The following LPAR1 variants were observed in gnomAD, a reference collection of about 807,000 sequenced individuals.
LPAR1 encodes the protein lysophosphatidic acid receptor 1.
LPAR1 carries 5 observed loss-of-function variants against 23.8 expected under a neutral mutation model. The observed-to-expected ratio is 0.21, with a 90% CI of 0.11 to 0.44. The LOEUF is 0.44. Among genes scored for constraint, LPAR1 ranks in the 20% least tolerant of loss-of-function variants. LPAR1 has a pLI of 0.99. For missense variants in LPAR1, 311 were observed against 482.8 expected, an observed-to-expected ratio of 0.64 and a Z score of 3.33; for synonymous variants, 160 against 164.7, an observed-to-expected ratio of 0.97 and a Z score of 0.22.
intron 2 of LPAR1, among the ~76,000 whole-genome samples, chr9:111,020,421 C>T (rs564341940): frequency 6.6e-6 from 1 of 152,288 alleles, no homozygotes; most frequent in East Asian, 1.9e-4. Context: ...GTGACTAAAC[C>T]CCTGCTTGAG....
At chr9:111,038,510 G>GGAGGGGGCGCAGAA (rs2097944161), upstream of LPAR1, 1 of 421,250 alleles carries the variant, frequency 2.4e-6, no homozygotes, top group Non-Finnish European at 4.8e-6. This position sits in a 1 kb window ranked among gnomAD's most constrained non-coding sequence, Gnocchi z 4.4. Flanking sequence ...GGGGCGCAGA[G>GGAGGGGGCGCAGAA]GGAGGGCCAG....
In LPAR1 at chr9:110,941,687, A is replaced by G; in HGVS notation, c.527T>C (p.Ile176Thr). 2 of 1,614,174 alleles carry G rather than the reference A, an allele frequency of 1.2e-6. No homozygotes were observed. The highest frequency in any genetic ancestry group is 1.7e-6 in the Non-Finnish European group (2 of 1,180,010). The change falls in exon 5 of 6, where the codon ATC becomes ACC. Residue 176 changes from isoleucine (I) to threonine (T), a missense_variant. This residue lies in a region of LPAR1 where 250 missense variants were observed against 427.2 expected (regional missense o/e 0.59). Transcript: ENST00000683809. This position sits in a 1 kb window ranked among gnomAD's most constrained non-coding sequence, Gnocchi z 6.1. ...VVIVVIWTMA[I>T]VMGAIPSVGW... The stretch of plus-strand genomic sequence containing the variant: ...CACACTGGGTATAGCACCCATAACG[A>G]TGGCCATAGTCCAGATGACCACAAT...
At chr9:110,989,907 G>A (rs987822787) in intron 2 of LPAR1, among the ~76,000 whole-genome samples, 7 of 151,814 alleles carry the variant, frequency 4.6e-5, no homozygotes, top group Non-Finnish European at 8.8e-5. Context: ...ATAAAAAAAC[G>A]AAATACCCAG....
intron 4 of LPAR1, among the ~76,000 whole-genome samples, chr9:110,955,002 T>C (rs1392684482): frequency 2.6e-5 from 4 of 151,828 alleles, no homozygotes; most frequent in Non-Finnish European, 5.9e-5. Flanking sequence ...ACCACAATGA[T>C]AAACAGTAAG....
intron 4 of LPAR1, among the ~76,000 whole-genome samples, chr9:110,951,115 A>G (rs1251318279): frequency 6.6e-6 from 1 of 152,220 alleles, no homozygotes; most frequent in Non-Finnish European, 1.5e-5. Context: ...AAAATGACGT[A>G]TCTGTTCATT....
chr9:111,000,060 C>T (rs1430181400), intron 2 of LPAR1, among the ~76,000 whole-genome samples: 5 of 152,074 alleles, frequency 3.3e-5, no homozygotes, highest in Non-Finnish European at 7.3e-5. Flanking sequence ...AGGGCGGAGC[C>T]CTTATGACCT....
intron 4 of LPAR1, among the ~76,000 whole-genome samples, chr9:110,961,965 T>C (rs930515853): frequency 6.6e-6 from 1 of 152,210 alleles, no homozygotes; most frequent in Non-Finnish European, 1.5e-5. Flanking sequence ...ATATTTGTGA[T>C]ACATCATTTG....
At chr9:110,961,617 CAAAAAAAAAAAAAA>C (rs57773067) in intron 4 of LPAR1, among the ~76,000 whole-genome samples, 1 of 79,864 alleles carries the variant, frequency 1.3e-5, no homozygotes, top group Non-Finnish European at 2.4e-5. Context: ...GAGACTATCT[CAAAAAAAAAAAAAA>C]AAAAAAAAAG....
chr9:110,978,246 T>C (rs998722009), intron 2 of LPAR1, among the ~76,000 whole-genome samples: 2 of 152,110 alleles, frequency 1.3e-5, no homozygotes, highest in African/African-American at 4.8e-5. Flanking sequence ...ATCTGAATTA[T>C]GAACTTGAAT....
chr9:111,000,254 C>T (rs573158247), intron 2 of LPAR1, among the ~76,000 whole-genome samples: 2 of 152,260 alleles, frequency 1.3e-5, no homozygotes, highest in Admixed American at 6.5e-5. Flanking sequence ...TGGTTCATGG[C>T]CTCCTGAATA....
intron 2 of LPAR1, among the ~76,000 whole-genome samples, chr9:110,987,950 C>T (rs1484563992): frequency 6.6e-6 from 1 of 151,400 alleles, no homozygotes; most frequent in Non-Finnish European, 1.5e-5. Context: ...ATTTACAAAA[C>T]CATAACAATA....
Position 110,930,744 on chromosome 9 carries a change from C to T in LPAR1, c.793+10677G>A, listed in dbSNP as rs551827154. On this transcript the variant is annotated intron_variant, in intron 5 of 5. Transcript: ENST00000683809. ...CAGCCTGACCAACATGGAGAAACCC[C>T]GTCTCTACTAAAACTTCAAAATCAG... 3.1e-3 allele frequency among the ~76,000 whole-genome samples: 467 copies of T among 151,836 alleles called. 3 individuals carry two copies. Among genetic ancestry groups the T allele is most frequent in the Non-Finnish European group, 2.9e-3 (200 of 67,956 alleles).
intron 4 of LPAR1, among the ~76,000 whole-genome samples, chr9:110,949,025 C>G (rs1245460037): frequency 1.3e-5 from 2 of 152,112 alleles, no homozygotes; most frequent in East Asian, 1.9e-4. Flanking sequence ...AATCATGACT[C>G]TAGTCCCATA....
rs2078683052 is a variant in LPAR1 at position 110,874,387 on chromosome 9, GACTCCAATTA to G, written c.*1024_*1033del. The G allele has an allele frequency of 6.6e-6, 1 of 152,552 alleles. No individual in the cohort carries two copies. Among genetic ancestry groups the G allele is most frequent in the Admixed American group, 6.6e-5 (1 of 15,266 alleles). The allele number at this position is 152,552 out of a possible 1,614,324, so 9.4% of individuals were successfully genotyped here. A position where few individuals can be genotyped will look rare whatever the true frequency, so the allele number is the denominator to read the frequency against. On this transcript the variant is annotated 3_prime_UTR_variant, in exon 6 of 6. Coordinates refer to ENST00000683809, the MANE Select transcript of LPAR1 (RefSeq NM_001351411.2). ...CTACTTATAAAACTGTTTACAGTAT[GACTCCAATTA>G]TGTAAAAAAAGTATACAATACACAT...
chr9:110,911,880 A>G (rs1351012074), intron 5 of LPAR1, among the ~76,000 whole-genome samples: 1 of 152,218 alleles, frequency 6.6e-6, no homozygotes, highest in Non-Finnish European at 1.5e-5. Flanking sequence ...TATCTTTCCC[A>G]TATGCCTATT....
chr9:110,919,831 A>C (rs1394804166), intron 5 of LPAR1, among the ~76,000 whole-genome samples: 1 of 152,158 alleles, frequency 6.6e-6, no homozygotes, highest in Non-Finnish European at 1.5e-5. Context: ...GACAGCCTGT[A>C]ACTTCCACAA....
At chr9:110,903,685 C>A (rs1338229586) in intron 5 of LPAR1, among the ~76,000 whole-genome samples, 1 of 151,946 alleles carries the variant, frequency 6.6e-6, no homozygotes, top group Non-Finnish European at 1.5e-5. Flanking sequence ...AGATTCACAT[C>A]ATCAAAGGTC....
At chr9:111,014,691 G>A (rs571940222) in intron 2 of LPAR1, among the ~76,000 whole-genome samples, 1 of 152,068 alleles carries the variant, frequency 6.6e-6, no homozygotes, top group South Asian at 2.1e-4. Context: ...GGTATTACTG[G>A]TGAAGACAAT....
chr9:111,026,826 C>T (rs1216961745), intron 2 of LPAR1, among the ~76,000 whole-genome samples: 1 of 152,142 alleles, frequency 6.6e-6, no homozygotes, highest in East Asian at 1.9e-4. Context: ...CGATGGATTA[C>T]GTTTATTGAT....
Sources: allele counts gnomAD v4.1 joint callset (sites outside exome capture counted in the v4.1 genomes callset), GRCh38; gene constraint gnomAD v4.1.1; regional missense constraint gnomAD v4.1.1; non-coding constraint Gnocchi (gnomAD v3.1); transcripts MANE v1.5; gene names NCBI Gene and HGNC (gene_info 2026-07-23, HGNC 2026-07-21).